Variants in ANK3 observed in about 807,000 individuals in gnomAD.
ANK3 encodes ankyrin 3.
ANK3 carries 57 observed loss-of-function variants against 370.9 expected under a neutral mutation model. That is an observed-to-expected ratio of 0.15 (90% CI 0.12 to 0.19). ANK3 has a LOEUF of 0.19. ANK3 is among the 10% of genes least tolerant of loss of function. ANK3 has a pLI of 1.00. For synonymous variants in ANK3, 1,929 were observed against 1,946.3 expected, an observed-to-expected ratio of 0.99 and a Z score of 0.23; for missense variants, 4,439 against 5,302.1, an observed-to-expected ratio of 0.84 and a Z score of 5.06.
intron 7 of ANK3, among the ~76,000 whole-genome samples, chr10:60,240,306 A>ATATATAT (rs11282162): frequency 3.8e-4 from 46 of 119,750 alleles, no homozygotes; most frequent in East Asian, 2.5e-3. Context: ...ATATATATAT[A>ATATATAT]TTTTTTTTTC....
chr10:60,719,605 A>G (rs1289455965), intron 1 of ANK3, among the ~76,000 whole-genome samples: 1 of 152,128 alleles, frequency 6.6e-6, no homozygotes, highest in Non-Finnish European at 1.5e-5. Flanking sequence ...TTTTTTATAC[A>G]TTTATTAGCC....
intron 23 of ANK3, chr10:60,144,214 A>G (rs1399261228): frequency 2.2e-6 from 1 of 448,022 alleles, no homozygotes; most frequent in Non-Finnish European, 4.5e-6. Flanking sequence ...GTAATTTTGT[A>G]ATAGGTAACC....
intron 1 of ANK3, among the ~76,000 whole-genome samples, chr10:60,316,342 T>C (rs1395026601): frequency 6.6e-6 from 1 of 152,176 alleles, no homozygotes; most frequent in African/African-American, 2.4e-5. Context: ...AGTCTCATGG[T>C]TCCCTATGTT....
chr10:60,529,775 C>T (rs185623467), intron 2 of ANK3, among the ~76,000 whole-genome samples: 33 of 152,252 alleles, frequency 2.2e-4, no homozygotes, highest in Admixed American at 7.9e-4. Flanking sequence ...ACATTAACAC[C>T]ATCTATAGGC....
At chr10:60,270,919 T>TA (rs1267060231) in intron 4 of ANK3, among the ~76,000 whole-genome samples, 17 of 152,192 alleles carry the variant, frequency 1.1e-4, no homozygotes, top group African/African-American at 4.1e-4. Flanking sequence ...AGAATACATA[T>TA]ATGGATACAT....
At chr10:60,336,661 G>T (rs1169417560) in intron 1 of ANK3, among the ~76,000 whole-genome samples, 1 of 152,122 alleles carries the variant, frequency 6.6e-6, no homozygotes, top group Non-Finnish European at 1.5e-5. Flanking sequence ...TTAAGAAAAA[G>T]CTATCAGTGG....
At chr10:60,621,153 C>T (rs1243470808) in intron 1 of ANK3, among the ~76,000 whole-genome samples, 1 of 152,132 alleles carries the variant, frequency 6.6e-6, no homozygotes, top group Non-Finnish European at 1.5e-5. Context: ...CCACTGCAAA[C>T]GATGCCAGGC....
At chr10:60,607,775 G>A (rs2078147485) in intron 2 of ANK3, among the ~76,000 whole-genome samples, 1 of 152,178 alleles carries the variant, frequency 6.6e-6, no homozygotes, top group South Asian at 2.1e-4. Flanking sequence ...AAACTATGGT[G>A]GGACATAGGA....
At chr10:60,718,953 C>T (rs1378303273) in intron 1 of ANK3, among the ~76,000 whole-genome samples, 1 of 152,114 alleles carries the variant, frequency 6.6e-6, no homozygotes, top group Non-Finnish European at 1.5e-5. Flanking sequence ...TTACAAAACA[C>T]ATGCTTATTT....
At chr10:60,278,988 A>T (rs1026211548) in intron 3 of ANK3, 62 bp downstream of exon 3, 64 of 1,566,894 alleles carry the variant, frequency 4.1e-5, no homozygotes, top group Non-Finnish European at 5.5e-5. Flanking sequence ...ATTCTTACTG[A>T]GGGCTGAATC....
intron 1 of ANK3, among the ~76,000 whole-genome samples, chr10:60,639,439 T>C: frequency 6.6e-6 from 1 of 151,336 alleles, no homozygotes; most frequent in East Asian, 1.9e-4. Context: ...AAGAAGTAAT[T>C]TTAAAAATAT....
chr10:60,316,450 C>T (rs1250913546), intron 1 of ANK3, among the ~76,000 whole-genome samples: 3 of 152,176 alleles, frequency 2.0e-5, no homozygotes, highest in Non-Finnish European at 4.4e-5. Flanking sequence ...TTTTCGTCTT[C>T]TGGAGTTACT....
intron 1 of ANK3, among the ~76,000 whole-genome samples, chr10:60,388,258 C>A (rs760526495): frequency 2.6e-5 from 4 of 152,166 alleles, no homozygotes; most frequent in Non-Finnish European, 5.9e-5. Context: ...CTGCAGCTCT[C>A]CAGCTTCAAT....
intron 4 of ANK3, among the ~76,000 whole-genome samples, chr10:60,271,095 T>A (rs572807809): frequency 2.6e-5 from 4 of 152,310 alleles, no homozygotes; most frequent in Admixed American, 2.6e-4. Flanking sequence ...TCTAGAATAA[T>A]GTATTTCATA....
intron 9 of ANK3, among the ~76,000 whole-genome samples, chr10:60,213,059 A>C (rs2096881324): frequency 6.6e-6 from 1 of 152,140 alleles, no homozygotes; most frequent in African/African-American, 2.4e-5. Flanking sequence ...AAGTAAGCTG[A>C]GGTGCTGAAG....
intron 2 of ANK3, among the ~76,000 whole-genome samples, chr10:60,514,357 G>A (rs573848101): frequency 1.3e-5 from 2 of 152,250 alleles, no homozygotes; most frequent in South Asian, 2.1e-4. Context: ...CCTATCAGGA[G>A]TGATATTTAA....
At chr10:60,399,354 G>T (rs1421594524) in intron 2 of ANK3, among the ~76,000 whole-genome samples, 1 of 152,118 alleles carries the variant, frequency 6.6e-6, no homozygotes, top group African/African-American at 2.4e-5. Flanking sequence ...AGAAATGTAA[G>T]ATGCTTGTTC....
chr10:60,711,527 C>A (rs2079707117), intron 1 of ANK3, among the ~76,000 whole-genome samples: 1 of 151,278 alleles, frequency 6.6e-6, no homozygotes, highest in African/African-American at 2.4e-5. Context: ...AAATAAAATA[C>A]AAAGAGAAAA....
chr10:60,240,952 T>C (rs1476558327), intron 7 of ANK3, among the ~76,000 whole-genome samples: 2 of 152,204 alleles, frequency 1.3e-5, no homozygotes, highest in South Asian at 4.1e-4. Flanking sequence ...ACTTTTTGCT[T>C]CTTCATGCTT....
Sources: allele counts gnomAD v4.1 joint callset (sites outside exome capture counted in the v4.1 genomes callset), GRCh38; gene constraint gnomAD v4.1.1; transcripts MANE v1.5; gene names NCBI Gene and HGNC (gene_info 2026-07-23, HGNC 2026-07-21).